Variants in FASTKD2 observed in about 807,000 individuals in gnomAD.
The protein encoded by FASTKD2 is FAST kinase domains 2.
A neutral mutation model predicts 63.6 loss-of-function variants in FASTKD2; 51 were observed. The observed-to-expected ratio is 0.80, with a 90% CI of 0.64 to 1.01. The LOEUF (loss-of-function observed/expected upper bound fraction) is 1.01. Among genes scored for constraint, FASTKD2 ranks in the 50% least tolerant of loss-of-function variants. The pLI, the probability that FASTKD2 is intolerant of heterozygous loss-of-function variation, is 0.00. For missense variants in FASTKD2, 786 were observed against 831.1 expected, an observed-to-expected ratio of 0.95 and a Z score of 0.67; for synonymous variants, 284 against 293.4, an observed-to-expected ratio of 0.97 and a Z score of 0.33.
At chr2:206,771,341 A>G in intron 4 of FASTKD2, 51 bp downstream of exon 4, 1 of 1,084,148 alleles carries the variant, frequency 9.2e-7, no homozygotes, top group African/African-American at 1.6e-5. Flanking sequence ...AATCTTTCTT[A>G]TAACCTGCTA....
rs950038191 is a variant in FASTKD2 at position 206,769,071 on chromosome 2, A to T, written c.778-1020A>T. Among the ~76,000 whole-genome samples the T allele has an allele frequency of 2.6e-5, 4 of 152,228 alleles. No homozygotes were observed. In the East Asian group the frequency reaches 7.7e-4, roughly 29 times the overall value. On this transcript the variant is annotated intron_variant, in intron 2 of 11. Transcript: ENST00000402774. The stretch of plus-strand genomic sequence containing the variant: ...TATGAGTAGTAGATTTTTGTAGTCA[A>T]AACATCTGTATGGATGATGGTGTCT...
At chr2:206,773,656 T>G (rs1689747506) in intron 6 of FASTKD2, among the ~76,000 whole-genome samples, 1 of 152,136 alleles carries the variant, frequency 6.6e-6, no homozygotes, top group Non-Finnish European at 1.5e-5. Flanking sequence ...ACTGTGGAAA[T>G]TGGTTATAGA....
At chr2:206,775,573 GTTT>G (rs1256969126) in intron 7 of FASTKD2, among the ~76,000 whole-genome samples, 62 of 144,352 alleles carry the variant, frequency 4.3e-4, no homozygotes, top group African/African-American at 1.3e-3. Context: ...TTTTTTGTTT[GTTT>G]TTTGTTTTTT....
intron 8 of FASTKD2, 71 bp downstream of exon 8, chr2:206,786,970 C>T: frequency 1.1e-6 from 1 of 941,318 alleles, no homozygotes; most frequent in Non-Finnish European, 1.7e-6. Flanking sequence ...CCATATGACT[C>T]TGAATGGGGT....
chr2:206,781,396 A>G (rs571939826), intron 7 of FASTKD2, among the ~76,000 whole-genome samples: 20 of 144,428 alleles, frequency 1.4e-4, no homozygotes, highest in Non-Finnish European at 1.6e-4. Context: ...GCTTACTGCA[A>G]CCTCTGCCTC....
At chr2:206,785,116 G>A (rs1165019930) in intron 7 of FASTKD2, among the ~76,000 whole-genome samples, 1 of 151,966 alleles carries the variant, frequency 6.6e-6, no homozygotes, top group African/African-American at 2.4e-5. Flanking sequence ...AAGCAAAAGG[G>A]GTTTCCCCTT....
chr2:206,766,362 AC>A (rs1689471152), intron 1 of FASTKD2, among the ~76,000 whole-genome samples: 5 of 152,078 alleles, frequency 3.3e-5, no homozygotes, highest in Admixed American at 3.3e-4. Flanking sequence ...AACAATGCCA[AC>A]AAAAGTCTCT....
chr2:206,779,340 A>G (rs1388360263), intron 7 of FASTKD2, among the ~76,000 whole-genome samples: 1 of 151,944 alleles, frequency 6.6e-6, no homozygotes, highest in Non-Finnish European at 1.5e-5. Flanking sequence ...CCATTCAGCC[A>G]TTTTGTGTCT....
intron 6 of FASTKD2, 56 bp downstream of exon 6, chr2:206,772,376 T>G: frequency 6.7e-7 from 1 of 1,492,446 alleles, no homozygotes; most frequent in Non-Finnish European, 9.3e-7. Context: ...CACTAATTCA[T>G]GTAGCATTTT....
Position 206,771,659 on chromosome 2 carries a change from A to C in FASTKD2, c.991-235A>C, listed in dbSNP as rs994863849. Among the ~76,000 whole-genome samples the C allele has an allele frequency of 8.1e-5, 12 of 148,104 alleles. No individual in the cohort carries two copies. The South Asian group carries it at 2.6e-3, about 32-fold the overall frequency. On this transcript the variant is annotated intron_variant, in intron 4 of 11. Transcript: ENST00000402774. ...GAGCAAGACCCTGTCTCTGCAAAAAAAAAAAAAAAAAAAAAAAAAATCAAA... is the reference window on the plus strand; with the variant it reads ...GAGCAAGACCCTGTCTCTGCAAAAACAAAAAAAAAAAAAAAAAAAATCAAA...
chr2:206,788,703 G>A, intron 9 of FASTKD2, 116 bp from the exon 10 acceptor site: 2 of 642,244 alleles, frequency 3.1e-6, no homozygotes, highest in Non-Finnish European at 5.4e-6. Flanking sequence ...CTGCACTCCA[G>A]CCTGGATGAC....
chr2:206,783,909 A>C (rs1294754686), intron 7 of FASTKD2, among the ~76,000 whole-genome samples: 1 of 152,150 alleles, frequency 6.6e-6, no homozygotes, highest in African/African-American at 2.4e-5. Flanking sequence ...GGTCTGTGCT[A>C]CTGGCCTCTA....
chr2:206,772,503 A>G (rs534049343), intron 6 of FASTKD2, among the ~76,000 whole-genome samples, 183 bp downstream of exon 6: 3 of 152,360 alleles, frequency 2.0e-5, no homozygotes, highest in Admixed American at 6.5e-5. Flanking sequence ...GCTAATATGA[A>G]TAGTCCCCAA....
intron 6 of FASTKD2, among the ~76,000 whole-genome samples, chr2:206,773,652 GA>G (rs1689747443): frequency 6.6e-6 from 1 of 152,126 alleles, no homozygotes; most frequent in African/African-American, 2.4e-5. Context: ...GTTTACTGTG[GA>G]AATTGGTTAT....
Position 206,771,887 on chromosome 2 carries a change from T to C in FASTKD2, c.991-7T>C. 6.3e-7 allele frequency: 1 copy of C among 1,592,210 alleles called. No homozygotes were observed. On this transcript the variant is annotated splice_polypyrimidine_tract_variant and splice_region_variant and intron_variant, in intron 4 of 11. Coordinates refer to ENST00000402774, the MANE Select transcript of FASTKD2 (RefSeq NM_001136193.2). ...GTAAATTAAATTAAAATTTGTTTTT[T>C]CTTTAGATGAAAGCCTTGAGGGAAT...
chr2:206,774,481 C>G (rs1022617825), intron 7 of FASTKD2, 84 bp downstream of exon 7: 3 of 847,620 alleles, frequency 3.5e-6, no homozygotes, highest in African/African-American at 3.4e-5. Flanking sequence ...TGAATTATTA[C>G]AAGTGAACAC....
chr2:206,790,395 C>G, intron 10 of FASTKD2, 177 bp from the exon 11 acceptor site: 2 of 605,944 alleles, frequency 3.3e-6, no homozygotes, highest in Non-Finnish European at 6.0e-6. Context: ...TATAAAGTAG[C>G]CTTGTATAGT....
intron 10 of FASTKD2, 154 bp from the exon 11 acceptor site, chr2:206,790,416 CAG>C (rs1690252337): frequency 1.5e-6 from 1 of 651,300 alleles, no homozygotes; most frequent in Non-Finnish European, 2.8e-6. Flanking sequence ...GGAATATCTG[CAG>C]AGGCCAAGTA....
At chr2:206,787,654 C>G (rs964793585) in intron 8 of FASTKD2, among the ~76,000 whole-genome samples, 1 of 152,042 alleles carries the variant, frequency 6.6e-6, no homozygotes, top group African/African-American at 2.4e-5. Flanking sequence ...TTTTAACTTT[C>G]CTGGGCATTT....
Sources: allele counts gnomAD v4.1 joint callset (sites outside exome capture counted in the v4.1 genomes callset), GRCh38; gene constraint gnomAD v4.1.1; transcripts MANE v1.5; gene names NCBI Gene and HGNC (gene_info 2026-07-23, HGNC 2026-07-21).